The following ILF2 variants were observed in gnomAD, a reference collection of about 807,000 sequenced individuals.
ILF2 encodes interleukin enhancer-binding factor 2.
In ILF2, 9 loss-of-function variants were observed where a neutral mutation model predicts 55.3. That is an observed-to-expected ratio of 0.16 (90% CI 0.10 to 0.28). ILF2 has a LOEUF of 0.28. Among genes scored for constraint, ILF2 ranks in the 10% least tolerant of loss-of-function variants. ILF2 has a pLI of 1.00. For missense variants in ILF2, 266 were observed against 474.9 expected (o/e 0.56, Z 4.09); for synonymous variants, 151 against 161.8 (o/e 0.93, Z 0.50).
intron 1 of ILF2, 152 bp from the exon 2 acceptor site, chr1:153,670,382 G>A (rs2101718215): frequency 1.4e-6 from 1 of 699,038 alleles, no homozygotes; most frequent in Non-Finnish European, 2.5e-6. Context: ...ATGGTGCCCA[G>A]TTACACCCCC....
Position 153,664,078 on chromosome 1 carries a change from A to G in ILF2, c.709T>C (p.Phe237Leu). 1 of 1,613,828 alleles carries G rather than the reference A, an allele frequency of 6.2e-7. No individual in the cohort carries two copies. The highest frequency in any genetic ancestry group is 2.2e-5 in the East Asian group (1 of 44,876). The stretch of plus-strand genomic sequence containing the variant: ...AGGATCCAGGGTGTGAGGGGCTCAA[A>G]GCCAGGAAAACGAATCCTCAAGTCC... ...LKDLRIRFPG[F>L]EPLTPWILDL... Residue 237 changes from phenylalanine to leucine, a missense_variant, in exon 10 of 14, where the codon TTT (phenylalanine) becomes CTT (leucine). By Grantham distance (22) the Phe-to-Leu change is conservative (BLOSUM62 0). Transcript: ENST00000361891.
At chr1:153,662,845 T>G (rs767437113) in intron 12 of ILF2, 50 bp from the exon 13 acceptor site, 1 of 1,483,682 alleles carries the variant, frequency 6.7e-7, no homozygotes, top group Admixed American at 1.7e-5. Flanking sequence ...AGGACCTTAT[T>G]TGAGTAATAC....
intron 6 of ILF2, among the ~76,000 whole-genome samples, chr1:153,666,547 T>G (rs935575903): frequency 2.0e-4 from 30 of 151,704 alleles, no homozygotes; most frequent in Non-Finnish European, 2.9e-4. Context: ...AGGTACAGGA[T>G]CTCTCTATGT....
Position 153,665,316 on chromosome 1 carries a change from C to T in ILF2, c.481G>A (p.Glu161Lys), listed in dbSNP as rs768322800. The part of the protein sequence containing the change: ...PSEVLTMLTN[E>K]TGFEISSSDA... ...GAAGAACTGATTTCAAAGCCAGTTT[C>T]GTTGGTCAGCATGGTTAAAACTGAA... Residue 161 changes from glutamate (E) to lysine (K), a missense_variant, in exon 8 of 14, where the codon GAA (glutamate) becomes AAA (lysine). Transcript: ENST00000361891. The T allele has an allele frequency of 1.9e-6, 3 of 1,611,236 alleles. No homozygotes were observed. The highest frequency in any genetic ancestry group is 2.2e-5 in the East Asian group (1 of 44,858).
At chr1:153,667,784 C>CA in intron 5 of ILF2, 127 bp from the exon 6 acceptor site, 1 of 719,330 alleles carries the variant, frequency 1.4e-6, no homozygotes. Flanking sequence ...AAATCACCCC[C>CA]AAAACCACCA....
rs770651040 is a variant in ILF2, at chr1:153,662,778, T to C, written c.939A>G (p.Thr313=). ...AGAGGATTCGGACGAGAGTCTGAGC[T>C]GTATAGCAGACCATGTCCTGAAGGA... ...TLEQQDMVCY[T]AQTLVRILSH... is the part of the protein sequence containing the mutation. Residue 313 remains threonine, a synonymous_variant, in exon 13 of 14, where the codon ACA becomes ACG. Coordinates refer to ENST00000361891, the MANE Select transcript of ILF2 (RefSeq NM_004515.4). 1 of 1,614,128 alleles carries C rather than the reference T, an allele frequency of 6.2e-7. No individual in the cohort carries two copies.
rs900632910 is a variant in ILF2, at chr1:153,662,153, A to T, written c.*243T>A. On this transcript the variant is annotated 3_prime_UTR_variant, in exon 14 of 14. Coordinates refer to ENST00000361891, the MANE Select transcript of ILF2 (RefSeq NM_004515.4). ...AGAGAGGGGTTTTCAGGAGTTGGAG[A>T]TTATAGAATATTAGGAAGAAATGTT... 1 of 432,516 alleles carries T rather than the reference A, an allele frequency of 2.3e-6. No individual in the cohort carries two copies. Among genetic ancestry groups the T allele is most frequent in the African/African-American group, 2.0e-5 (1 of 50,684 alleles). The allele number at this position is 432,516 out of a possible 1,614,324, so 26.8% of individuals were successfully genotyped here. A position where few individuals can be genotyped will look rare whatever the true frequency, so the allele number is the denominator to read the frequency against.
chr1:153,662,353 C>T lies in ILF2; in HGVS notation c.*43G>A, dbSNP rs1669191798. The T allele has an allele frequency of 9.3e-6, 15 of 1,611,676 alleles. No homozygotes were observed. The East Asian group carries it at 3.3e-4, about 36-fold the overall frequency. ...AAAGCCCAGTAGCAGGCAGCTTAGG[C>T]TCCAGTCTTCCCCCTTGGGTAGGAA... On this transcript the variant is annotated 3_prime_UTR_variant, in exon 14 of 14. Coordinates refer to ENST00000361891, the MANE Select transcript of ILF2 (RefSeq NM_004515.4).
At position 153,662,535 on chromosome 1, in the gene ILF2, G is replaced by A; in HGVS notation, c.1034C>T (p.Thr345Ile). Residue 345 changes from threonine to isoleucine, a missense_variant, in exon 14 of 14, where the codon ACC (threonine) becomes ATC (isoleucine). Transcript: ENST00000361891. Reference protein sequence around the residue: ...DASYLASEISTWDGVIVTPSE... With the variant: ...DASYLASEISIWDGVIVTPSE... ...AGGTGTTACTATCACTCCATCCCAG[G>A]TAGATATTTCAGAAGCAAGATCTAG... 1.9e-6 allele frequency: 3 copies of A among 1,613,960 alleles called. No individual in the cohort carries two copies. The highest frequency in any genetic ancestry group is 1.3e-5 in the African/African-American group (1 of 75,042).
At chr1:153,665,610 A>G (rs923172680) in intron 7 of ILF2, 53 bp downstream of exon 7, 1 of 1,401,826 alleles carries the variant, frequency 7.1e-7, no homozygotes, top group African/African-American at 1.4e-5. Flanking sequence ...ACTTACAATT[A>G]CAAGACCTGG....
chr1:153,670,163 G>A lies in ILF2; in HGVS notation c.65+8C>T, dbSNP rs548027342. 16 of 1,613,514 alleles carry A rather than the reference G, an allele frequency of 9.9e-6. 1 individual carries two copies. In the African/African-American group the frequency reaches 2.1e-4, roughly 22 times the overall value. On this transcript the variant is annotated splice_region_variant and intron_variant, in intron 2 of 13. Coordinates refer to ENST00000361891, the MANE Select transcript of ILF2 (RefSeq NM_004515.4). ...CCAAGTGCAGAGATGCTAAAAGCTG[G>A]TACTCACCCTCCTCCTGGGCCTCCT...
At position 153,663,208 on chromosome 1, in the gene ILF2, G is replaced by A; in HGVS notation, c.806+7C>T. 6.2e-7 allele frequency: 1 copy of A among 1,613,982 alleles called. No individual in the cohort carries two copies. The highest frequency in any genetic ancestry group is 1.7e-5 in the Admixed American group (1 of 60,024). On this transcript the variant is annotated splice_region_variant and intron_variant, in intron 11 of 13. Coordinates refer to ENST00000361891, the MANE Select transcript of ILF2 (RefSeq NM_004515.4). ...ACAACCAACCCTAAACCCAAAGCAT[G>A]CTGTACCTGTATGCAACGTTTAGGG...
In ILF2 at chr1:153,663,056, T is replaced by C. The variant is rs1372971490; in HGVS notation, c.884A>G (p.Asn295Ser). The part of the protein sequence containing the change: ...VGITDPCESG[N>S]FRVHTVMTLE... ...GGTCATGACTGTGTGTACTCTAAAG[T>C]TGCCACTCTCACAGGGGTCAGTGAT... The change falls in exon 12 of 14, where the codon AAC becomes AGC. Residue 295 changes from asparagine (N) to serine (S), a missense_variant. Physicochemically the swap from Asn to Ser is conservative, Grantham distance 46 (BLOSUM62 1). Transcript: ENST00000361891. The C allele has an allele frequency of 1.3e-5, 21 of 1,614,002 alleles. No individual in the cohort carries two copies. Among genetic ancestry groups the C allele is most frequent in the South Asian group, 3.3e-5 (3 of 91,084 alleles).
intron 3 of ILF2, among the ~76,000 whole-genome samples, chr1:153,668,766 C>T (rs573717314): frequency 1.3e-5 from 2 of 152,194 alleles, no homozygotes; most frequent in African/African-American, 4.8e-5. Flanking sequence ...GGCGTGGTGG[C>T]TCACACCTGT....
rs1669176983 is a variant in ILF2, at chr1:153,661,854, G to C, written c.*542C>G. ...GATATTCTAGTTTACTCTGGTATAT[G>C]GAAAGGTTCCAGGAGTTTGTCCTTT... On this transcript the variant is annotated 3_prime_UTR_variant, in exon 14 of 14. Coordinates refer to ENST00000361891, the MANE Select transcript of ILF2 (RefSeq NM_004515.4). 6.4e-6 allele frequency: 1 copy of C among 155,668 alleles called. No homozygotes were observed. Among genetic ancestry groups the C allele is most frequent in the African/African-American group, 2.4e-5 (1 of 41,448 alleles). The allele number at this position is 155,668 out of a possible 1,614,324, so 9.6% of individuals were successfully genotyped here.
At chr1:153,669,926 G>A (rs866893604) in intron 2 of ILF2, 48 bp from the exon 3 acceptor site, 12 of 1,494,088 alleles carry the variant, frequency 8.0e-6, no homozygotes, top group Admixed American at 1.7e-5. Flanking sequence ...GGAATCAAGC[G>A]AGATGTAAAT....
At position 153,662,385 on chromosome 1, in the gene ILF2, T is replaced by C. The variant is rs750225115; in HGVS notation, c.*11A>G. On this transcript the variant is annotated 3_prime_UTR_variant, in exon 14 of 14. Transcript: ENST00000361891. ...CTTCCCCCTTGGGTAGGAAAAGGAGTGAAGGGAATGTCACTCCTGAGTTTC... is the reference window on the plus strand; with the variant it reads ...CTTCCCCCTTGGGTAGGAAAAGGAGCGAAGGGAATGTCACTCCTGAGTTTC... The C allele has an allele frequency of 3.7e-6, 6 of 1,613,802 alleles. No homozygotes were observed. Among genetic ancestry groups the C allele is most frequent in the Non-Finnish European group, 5.1e-6 (6 of 1,179,940 alleles).
rs1408431899 is a variant in ILF2 at position 153,670,946 on chromosome 1, G to T, written c.-24C>A. 1 of 1,614,104 alleles carries T rather than the reference G, an allele frequency of 6.2e-7. No homozygotes were observed. Among genetic ancestry groups the T allele is most frequent in the South Asian group, 1.1e-5 (1 of 91,076 alleles). On this transcript the variant is annotated 5_prime_UTR_variant, in exon 1 of 14. Coordinates refer to ENST00000361891, the MANE Select transcript of ILF2 (RefSeq NM_004515.4). Reference sequence around the variant, plus strand: ...ATGGCGCCTTAAAACACGAACAATGGAGGCCGCACCAACCGCCCCTTCCTC... The same window carrying T: ...ATGGCGCCTTAAAACACGAACAATGTAGGCCGCACCAACCGCCCCTTCCTC...
At chr1:153,667,533 G>A in intron 6 of ILF2, 22 bp downstream of exon 6, 2 of 1,504,014 alleles carry the variant, frequency 1.3e-6, no homozygotes, top group South Asian at 1.1e-5. Context: ...CTGTTCCCAT[G>A]ACCAGAAACA....
Sources: gnomAD v4.1 joint callset for allele counts (sites outside exome capture counted in the v4.1 genomes callset) on GRCh38, gnomAD v4.1.1 for gene constraint, MANE v1.5 for transcripts, NCBI Gene and HGNC (gene_info 2026-07-23, HGNC 2026-07-21) for gene names.